CNTRL: variants seen among roughly 807,000 people sequenced by gnomAD.
CNTRL encodes centriolin.
CNTRL carries 233 observed loss-of-function variants against 303.7 expected under a neutral mutation model. That is an observed-to-expected ratio of 0.77 (90% CI 0.69 to 0.86). CNTRL has a LOEUF of 0.86. Ranked by LOEUF, CNTRL falls within the 40% of genes least tolerant of loss-of-function variation. The pLI is 0.00. For missense variants in CNTRL, 2,524 were observed against 2,650.6 expected, an observed-to-expected ratio of 0.95 and a Z score of 1.05; for synonymous variants, 900 against 922.2, an observed-to-expected ratio of 0.98 and a Z score of 0.44.
At chr9:121,141,893 T>C (rs1442910836) in intron 18 of CNTRL, among the ~76,000 whole-genome samples, 198 bp from the exon 19 acceptor site, 3 of 152,316 alleles carry the variant, frequency 2.0e-5, no homozygotes, top group African/African-American at 4.8e-5. Flanking sequence ...TATTTTTTGA[T>C]GTGATGATTT....
chr9:121,171,942 C>T (rs77739959), intron 40 of CNTRL, among the ~76,000 whole-genome samples: 3,058 of 152,218 alleles, frequency 0.02, 104 homozygotes, highest in African/African-American at 0.07. Context: ...CATAATGTAG[C>T]CAGGCAGAGA....
intron 7 of CNTRL, among the ~76,000 whole-genome samples, chr9:121,099,915 G>T (rs2049068056): frequency 6.6e-6 from 1 of 152,184 alleles, no homozygotes; most frequent in Non-Finnish European, 1.5e-5. Flanking sequence ...TATGTGAAAA[G>T]ACCAAATCTA....
At chr9:121,145,865 C>G (rs1200346301) in intron 22 of CNTRL, among the ~76,000 whole-genome samples, 1 of 152,086 alleles carries the variant, frequency 6.6e-6, no homozygotes, top group Admixed American at 6.5e-5. Flanking sequence ...CCGCTGCACT[C>G]CAGACTGGAT....
chr9:121,175,177 C>T lies in CNTRL; in HGVS notation c.6907C>T (p.Gln2303Ter). Residue 2303 changes from glutamine to a stop codon, truncating the protein, a stop_gained, in exon 43 of 44, where the codon CAG (glutamine) becomes TAG (stop). Coordinates refer to ENST00000373855, the MANE Select transcript of CNTRL (RefSeq NM_007018.6). LOFTEE classifies it high-confidence loss of function. The part of the protein sequence containing the change: ...ADSASSPSLS[Q>*]LESSLTEDSQ... The stretch of plus-strand genomic sequence containing the variant: ...TTCAGCGTCATCACCCAGTCTGTCT[C>T]AGCTGGAGTCTTCCCTCACAGAGGA... 2 of 1,614,164 alleles carry T rather than the reference C, an allele frequency of 1.2e-6. No individual in the cohort carries two copies. The highest frequency in any genetic ancestry group is 1.7e-6 in the Non-Finnish European group (2 of 1,180,038).
chr9:121,096,588 T>G (rs749362650), intron 6 of CNTRL, 25 bp downstream of exon 6: 2 of 1,388,528 alleles, frequency 1.4e-6, no homozygotes, highest in African/African-American at 2.9e-5. Context: ...ATAGCAGGAA[T>G]TTTTAGACTT....
In CNTRL at chr9:121,152,651, T is replaced by C. The variant is rs745572737; in HGVS notation, c.4130T>C (p.Val1377Ala). The change falls in exon 26 of 44, where the codon GTA becomes GCA. Residue 1377 changes from valine to alanine, a missense_variant. Val to Ala is a moderately conservative substitution (Grantham distance 64, BLOSUM62 0). Coordinates refer to ENST00000373855, the MANE Select transcript of CNTRL (RefSeq NM_007018.6). ...GAGAAGAAAAGCTTAGAGTGTGAAG[T>C]AGAAGAATTACATAGAACTGTCCAG... ...LQEKKSLECE[V>A]EELHRTVQKR... The C allele has an allele frequency of 4.3e-6, 7 of 1,613,706 alleles. No homozygotes were observed. The highest frequency in any genetic ancestry group is 5.9e-6 in the Non-Finnish European group (7 of 1,179,636).
intron 13 of CNTRL, among the ~76,000 whole-genome samples, chr9:121,124,970 G>C (rs926470493): frequency 6.7e-6 from 1 of 150,160 alleles, no homozygotes; most frequent in African/African-American, 2.4e-5. Flanking sequence ...GAGAGAGATA[G>C]TGTTCATAAA....
At chr9:121,161,279 C>A in intron 32 of CNTRL, 1 of 443,644 alleles carries the variant, frequency 2.3e-6, no homozygotes. Context: ...TTTGTATTTT[C>A]CAGCTTTTCT....
intron 12 of CNTRL, among the ~76,000 whole-genome samples, chr9:121,119,313 C>CT (rs573341305): frequency 0.1 from 13,898 of 136,958 alleles, 770 homozygotes; most frequent in African/African-American, 0.12. Flanking sequence ...CTCTCTCTCT[C>CT]TTTTTTTTTT....
chr9:121,119,075 AAT>A (rs1192525790), intron 12 of CNTRL, among the ~76,000 whole-genome samples: 152 of 106,792 alleles, frequency 1.4e-3, no homozygotes, highest in African/African-American at 4.2e-3. Context: ...ATTATACATA[AAT>A]ATATGTGTGT....
intron 25 of CNTRL, among the ~76,000 whole-genome samples, chr9:121,151,572 G>A (rs775554989): frequency 6.6e-6 from 1 of 151,730 alleles, no homozygotes; most frequent in Non-Finnish European, 1.5e-5. Flanking sequence ...TATATTTTTA[G>A]TATAGATGGG....
chr9:121,076,678 G>C (rs948606843), intron 1 of CNTRL, among the ~76,000 whole-genome samples: 2 of 152,064 alleles, frequency 1.3e-5, no homozygotes, highest in African/African-American at 4.8e-5. Flanking sequence ...GGGAAAATTG[G>C]CAATCAGAAT....
At chr9:121,083,774 A>G (rs2048237148) in intron 2 of CNTRL, among the ~76,000 whole-genome samples, 1 of 152,216 alleles carries the variant, frequency 6.6e-6, no homozygotes, top group Non-Finnish European at 1.5e-5. Flanking sequence ...GTTTACACCA[A>G]CATCACTACA....
rs1053296743 is a variant in CNTRL, at chr9:121,122,428, T to C, written c.1651-1503T>C. On this transcript the variant is annotated intron_variant, in intron 12 of 43. Transcript: ENST00000373855. ...AGACGTTTCTTTCTTGTATTTGGGGTAAGCAAATACATAAAATTGAGTAAT... is the reference window on the plus strand; with the variant it reads ...AGACGTTTCTTTCTTGTATTTGGGGCAAGCAAATACATAAAATTGAGTAAT... 12 of 978,538 alleles carry C rather than the reference T, an allele frequency of 1.2e-5. No homozygotes were observed. In the African/African-American group the frequency reaches 2.1e-4, roughly 17 times the overall value. 60.6% of individuals were successfully genotyped at this position (978,538 alleles called of 1,614,324 possible).
chr9:121,176,029 A>G (rs2053509576), intron 43 of CNTRL, among the ~76,000 whole-genome samples: 1 of 152,246 alleles, frequency 6.6e-6, no homozygotes, highest in African/African-American at 2.4e-5. Flanking sequence ...GGAACATGAA[A>G]TATACTCATG....
intron 30 of CNTRL, 51 bp from the exon 31 acceptor site, chr9:121,158,804 G>C: frequency 6.5e-7 from 1 of 1,543,620 alleles, no homozygotes; most frequent in Non-Finnish European, 8.9e-7. Context: ...GGTTAGCACT[G>C]AGGGCTGTAT....
Position 121,177,293 on chromosome 9 carries a change from A to C in CNTRL, c.*107A>C. 2.1e-6 allele frequency: 2 copies of C among 942,408 alleles called. No homozygotes were observed. The highest frequency in any genetic ancestry group is 3.4e-6 in the Non-Finnish European group (2 of 595,708). The allele number at this position is 942,408 out of a possible 1,614,324, so 58.4% of individuals were successfully genotyped here. A position where few individuals can be genotyped will look rare whatever the true frequency, so the allele number is the denominator to read the frequency against. The stretch of plus-strand genomic sequence containing the variant: ...TTTTTAATCAAGATGCAGTGAACTG[A>C]GATTCTGAAACTCCACTGTAGTTTA... On this transcript the variant is annotated 3_prime_UTR_variant, in exon 44 of 44. Transcript: ENST00000373855.
At chr9:121,127,160 A>G (rs1382999813) in intron 14 of CNTRL, among the ~76,000 whole-genome samples, 1 of 152,104 alleles carries the variant, frequency 6.6e-6, no homozygotes, top group Non-Finnish European at 1.5e-5. Flanking sequence ...ATGTAGTTCT[A>G]CTTTGTTCAT....
chr9:121,155,430 G>A (rs1309452430), intron 27 of CNTRL, among the ~76,000 whole-genome samples: 2 of 152,170 alleles, frequency 1.3e-5, no homozygotes, highest in Non-Finnish European at 2.9e-5. Context: ...CACCCAGGCT[G>A]GAGTGGAGTG....
Sources: gnomAD v4.1 joint callset for allele counts (sites outside exome capture counted in the v4.1 genomes callset) on GRCh38, gnomAD v4.1.1 for gene constraint, MANE v1.5 for transcripts, NCBI Gene and HGNC (gene_info 2026-07-23, HGNC 2026-07-21) for gene names.